The following ROBO2 variants were observed in gnomAD, a reference collection of about 807,000 sequenced individuals.
The protein encoded by ROBO2 is roundabout homolog 2.
In ROBO2, 53 loss-of-function variants were observed where a neutral mutation model predicts 160.8. That is an observed-to-expected ratio of 0.33 (90% confidence interval 0.26 to 0.41). The LOEUF (loss-of-function observed/expected upper bound fraction) is 0.41. ROBO2 is among the 10% of genes least tolerant of loss of function. The pLI, the probability that ROBO2 is intolerant of heterozygous loss-of-function variation, is 1.00. For missense variants in ROBO2, 1,577 were observed against 1,722.4 expected (o/e 0.92, Z 1.49); for synonymous variants, 664 against 611.7 (o/e 1.09, Z -1.26).
At chr3:76,018,490 T>G in intron 2 of ROBO2, among the ~76,000 whole-genome samples, 1 of 151,890 alleles carries the variant, frequency 6.6e-6, no homozygotes, top group Admixed American at 6.6e-5. Context: ...TTCTGCTTGG[T>G]TTCTTATTTT....
chr3:76,479,980 G>A (rs1417166967), intron 2 of ROBO2, among the ~76,000 whole-genome samples: 1 of 152,014 alleles, frequency 6.6e-6, no homozygotes, highest in Non-Finnish European at 1.5e-5. Context: ...TTACTGGACA[G>A]AGCCAAAATA....
intron 2 of ROBO2, among the ~76,000 whole-genome samples, chr3:77,328,908 T>C (rs2065713206): frequency 6.6e-6 from 1 of 152,186 alleles, no homozygotes; most frequent in Non-Finnish European, 1.5e-5. Context: ...CAAAATACTG[T>C]TTTCATAAAC....
intron 2 of ROBO2, among the ~76,000 whole-genome samples, chr3:76,969,843 G>C (rs2059488806): frequency 6.6e-6 from 1 of 152,082 alleles, no homozygotes; most frequent in African/African-American, 2.4e-5. Flanking sequence ...TAGTGTGTGT[G>C]TGTGTCTATG....
At chr3:77,550,839 C>A in exon 8 of ROBO2, 1 of 1,612,990 alleles carries the variant, frequency 6.2e-7, no homozygotes, top group Non-Finnish European at 8.5e-7. Flanking sequence ...CCCAAACCAA[C>A]CCCAGCAGCC....
In ROBO2 at chr3:77,366,893, A is replaced by ACCCCC. The variant is rs145545683; in HGVS notation, c.389-110518_389-110514dup. ...AATTAATAGTGAGAACTCTCACAGC[A>ACCCCC]CCCCCCCGACACTCACAGTCCCCTG... On this transcript the variant is annotated intron_variant, in intron 2 of 25. Transcript: ENST00000461745. Among the ~76,000 whole-genome samples the ACCCCC allele has an allele frequency of 4.9e-4, 70 of 141,430 alleles. 2 individuals carry two copies. The highest frequency in any genetic ancestry group is 1.1e-3 in the African/African-American group (43 of 39,154). The allele number at this position is 141,430 out of a possible 152,430, so 92.8% of individuals were successfully genotyped here.
intron 2 of ROBO2, among the ~76,000 whole-genome samples, chr3:77,218,339 A>G (rs1489523339): frequency 1.3e-5 from 2 of 151,336 alleles, no homozygotes; most frequent in East Asian, 1.9e-4. Context: ...TTTCTTGTTT[A>G]ATTCCTACCA....
intron 2 of ROBO2, among the ~76,000 whole-genome samples, chr3:76,790,653 C>G (rs1340909861): frequency 1.3e-5 from 2 of 151,656 alleles, no homozygotes; most frequent in African/African-American, 4.8e-5. Flanking sequence ...AAAGTATCAA[C>G]TACATCGCAT....
chr3:77,429,547 T>C (rs2078557891), intron 2 of ROBO2, among the ~76,000 whole-genome samples: 2 of 151,906 alleles, frequency 1.3e-5, no homozygotes, highest in South Asian at 4.1e-4. Context: ...AGTTTTGTTA[T>C]GTCCATGGAT....
chr3:75,938,397 C>G (rs1321803053), intron 2 of ROBO2, among the ~76,000 whole-genome samples: 1 of 151,978 alleles, frequency 6.6e-6, no homozygotes, highest in African/African-American at 2.4e-5. Flanking sequence ...TGCTCAGATA[C>G]AAATTGCATT....
At chr3:76,564,001 T>A (rs375795200) in intron 2 of ROBO2, among the ~76,000 whole-genome samples, 1 of 152,020 alleles carries the variant, frequency 6.6e-6, no homozygotes, top group African/African-American at 2.4e-5. Context: ...AGTTCAGGAG[T>A]TCGAGACCAG....
intron 24 of ROBO2, among the ~76,000 whole-genome samples, chr3:77,639,614 G>T (rs1181696902): frequency 3.3e-5 from 5 of 152,156 alleles, no homozygotes; most frequent in African/African-American, 1.2e-4. Flanking sequence ...GAAAGGGAAC[G>T]ATATGACTGG....
chr3:75,999,415 C>T (rs1463025561), intron 2 of ROBO2, among the ~76,000 whole-genome samples: 2 of 152,068 alleles, frequency 1.3e-5, no homozygotes, highest in Admixed American at 6.6e-5. Context: ...AGGTTCACAG[C>T]AAAACTGAGC....
chr3:76,905,684 CAT>C (rs1359061958), intron 2 of ROBO2, among the ~76,000 whole-genome samples: 2 of 152,110 alleles, frequency 1.3e-5, no homozygotes, highest in African/African-American at 4.8e-5. Context: ...AATTATAACT[CAT>C]ATGTAAAAAC....
intron 2 of ROBO2, among the ~76,000 whole-genome samples, chr3:77,241,572 A>C (rs2089046463): frequency 6.6e-6 from 1 of 152,192 alleles, no homozygotes; most frequent in Non-Finnish European, 1.5e-5. Context: ...TAAGAATGGT[A>C]CTGATAAATA....
intron 2 of ROBO2, among the ~76,000 whole-genome samples, chr3:76,846,647 C>G (rs558547163): frequency 6.6e-4 from 100 of 152,204 alleles, no homozygotes; most frequent in Non-Finnish European, 6.0e-4. Context: ...TTTATTTTTA[C>G]CGATTTACTG....
chr3:77,481,486 T>C lies in ROBO2; in HGVS notation c.667+267T>C, dbSNP rs935528. Among the ~76,000 whole-genome samples the C allele has an allele frequency of 0.52, 78,625 of 151,996 alleles. 20,785 individuals carry two copies. The highest frequency in any genetic ancestry group is 0.63 in the East Asian group (3,271 of 5,166). On this transcript the variant is annotated intron_variant, in intron 4 of 25. Coordinates refer to ENST00000461745, the Ensembl canonical transcript of ROBO2. Reference sequence around the variant, plus strand: ...CAAAATGTAACGTTCTTTCTCAAAGTCTATTTGAGATATTACATCTATCTA... The same window carrying C: ...CAAAATGTAACGTTCTTTCTCAAAGCCTATTTGAGATATTACATCTATCTA...
At chr3:77,336,486 A>G (rs1459530077) in intron 2 of ROBO2, among the ~76,000 whole-genome samples, 2 of 147,902 alleles carry the variant, frequency 1.4e-5, no homozygotes, top group African/African-American at 4.9e-5. Flanking sequence ...TCTTCCTTTT[A>G]ACCCATCTCT....
intron 2 of ROBO2, among the ~76,000 whole-genome samples, chr3:77,390,489 T>C (rs1433828211): frequency 6.6e-6 from 1 of 152,086 alleles, no homozygotes; most frequent in Non-Finnish European, 1.5e-5. Context: ...GATGGGTTTA[T>C]AGAGGGAAGT....
At chr3:76,900,126 C>T (rs1309457838) in intron 2 of ROBO2, among the ~76,000 whole-genome samples, 1 of 152,094 alleles carries the variant, frequency 6.6e-6, no homozygotes, top group Non-Finnish European at 1.5e-5. Flanking sequence ...GCACAAGCTG[C>T]TTTTAAAACC....
Sources: gnomAD v4.1 joint callset for allele counts (sites outside exome capture counted in the v4.1 genomes callset) on GRCh38, gnomAD v4.1.1 for gene constraint, MANE v1.5 for transcripts, NCBI Gene and HGNC (gene_info 2026-07-23, HGNC 2026-07-21) for gene names.